The following PHYHD1 variants were observed in gnomAD, a reference collection of about 807,000 sequenced individuals.
PHYHD1 encodes phytanoyl-CoA dioxygenase domain-containing protein 1.
A neutral mutation model predicts 43.6 loss-of-function variants in PHYHD1; 42 were observed. The ratio of observed to expected loss-of-function variants is 0.96; its 90% CI spans 0.75 to 1.25. PHYHD1 has a LOEUF of 1.25. Ranked by LOEUF, PHYHD1 falls within the 50% of genes most tolerant of loss-of-function variation. The pLI is 0.00. For missense variants in PHYHD1, 342 were observed against 370.8 expected, an observed-to-expected ratio of 0.92 and a Z score of 0.64; for synonymous variants, 139 against 143.6, an observed-to-expected ratio of 0.97 and a Z score of 0.23.
At chr9:128,935,200 C>T (rs1318464539) in intron 6 of PHYHD1, among the ~76,000 whole-genome samples, 1 of 152,158 alleles carries the variant, frequency 6.6e-6, no homozygotes, top group Non-Finnish European at 1.5e-5. Context: ...AGTGATCCTC[C>T]TGCCTTGGCC....
intron 4 of PHYHD1, 72 bp downstream of exon 4, chr9:128,927,268 T>C: frequency 6.3e-7 from 1 of 1,582,206 alleles, no homozygotes; most frequent in Non-Finnish European, 8.6e-7. Context: ...CAGAGCAGCA[T>C]CGTGGAAGGG....
intron 4 of PHYHD1, among the ~76,000 whole-genome samples, chr9:128,931,547 C>T (rs1485352035): frequency 1.3e-5 from 2 of 151,186 alleles, no homozygotes; most frequent in South Asian, 2.1e-4. Context: ...TTTTTTGAGA[C>T]GGAGTCTCGC....
chr9:128,932,698 C>A (rs879582700), intron 4 of PHYHD1, among the ~76,000 whole-genome samples: 13 of 63,982 alleles, frequency 2.0e-4, no homozygotes, highest in Non-Finnish European at 3.5e-4. Context: ...GACGGGGTTT[C>A]ACTATGTTTG....
At chr9:128,932,183 T>TC (rs1564540453) in intron 4 of PHYHD1, among the ~76,000 whole-genome samples, 1 of 135,700 alleles carries the variant, frequency 7.4e-6, no homozygotes, top group African/African-American at 3.0e-5. Flanking sequence ...TTATTATTAT[T>TC]ATTTTTTTTT....
At chr9:128,926,899 C>A (rs1249805256) in intron 3 of PHYHD1, 139 bp from the exon 4 acceptor site, 3 of 1,164,694 alleles carry the variant, frequency 2.6e-6, no homozygotes, top group Non-Finnish European at 3.9e-6. Context: ...TGCTGGGTGC[C>A]AGACTCCATG....
rs533393185 is a variant in PHYHD1, at chr9:128,939,661, A to ATTTTTTTTT, written c.458-705_458-697dup. ...TCCCTGCTTCGCACCCAACTTCCCA[A>ATTTTTTTTT]TTTTTTTTTTTGAGAGGGAGTCTTG... On this transcript the variant is annotated intron_variant, in intron 9 of 12. Transcript: ENST00000372592. Among the ~76,000 whole-genome samples, 582 of 113,476 alleles carry ATTTTTTTTT rather than the reference A, an allele frequency of 5.1e-3. 55 individuals carry two copies. Among genetic ancestry groups the ATTTTTTTTT allele is most frequent in the African/African-American group, 0.015 (508 of 33,002 alleles). 74.4% of individuals were successfully genotyped at this position (113,476 alleles called of 152,430 possible). A position where few individuals can be genotyped will look rare whatever the true frequency, so the allele number is the denominator to read the frequency against.
At chr9:128,935,721 G>A (rs895750328) in intron 6 of PHYHD1, among the ~76,000 whole-genome samples, 1 of 152,084 alleles carries the variant, frequency 6.6e-6, no homozygotes, top group Admixed American at 6.6e-5. Context: ...GGCCAATATG[G>A]TGAAAAACCA....
At chr9:128,938,144 T>C (rs1588256200) in intron 9 of PHYHD1, among the ~76,000 whole-genome samples, 1 of 152,062 alleles carries the variant, frequency 6.6e-6, no homozygotes, top group Admixed American at 6.6e-5. Flanking sequence ...CCATCTCTAC[T>C]AAAAATACAA....
At position 128,927,084 on chromosome 9, in the gene PHYHD1, A is replaced by G. The variant is rs1841155562; in HGVS notation, c.80A>G (p.Glu27Gly). ...GTGCTGGAAGGATTCTTGTCTGCGGAAGAGTGTGTGGCCATGCAACAAAGG... is the reference window on the plus strand; with the variant it reads ...GTGCTGGAAGGATTCTTGTCTGCGGGAGAGTGTGTGGCCATGCAACAAAGG... ...FLVLEGFLSA[E>G]ECVAMQQRIG... Residue 27 changes from glutamate (E) to glycine (G), a missense_variant, in exon 4 of 13, where the codon GAA becomes GGA. Physicochemically the swap from Glu to Gly is moderately conservative, Grantham distance 98. Coordinates refer to ENST00000372592, the MANE Select transcript of PHYHD1 (RefSeq NM_001100876.2). 6 of 1,614,164 alleles carry G rather than the reference A, an allele frequency of 3.7e-6. No individual in the cohort carries two copies. The highest frequency in any genetic ancestry group is 5.1e-6 in the Non-Finnish European group (6 of 1,180,030).
At position 128,927,017 on chromosome 9, in the gene PHYHD1, G is replaced by A. The variant is rs779217571; in HGVS notation, c.34-21G>A. The A allele has an allele frequency of 3.7e-6, 6 of 1,613,990 alleles. No homozygotes were observed. In the African/African-American group the frequency reaches 4.0e-5, roughly 11 times the overall value. On this transcript the variant is annotated intron_variant, in intron 3 of 12. Coordinates refer to ENST00000372592, the MANE Select transcript of PHYHD1 (RefSeq NM_001100876.2). ...GAGCATTTGCAGACTGGGGAAGCCTGAGTCTCAAGCCTGCCTGCAGTTCCA... is the reference window on the plus strand; with the variant it reads ...GAGCATTTGCAGACTGGGGAAGCCTAAGTCTCAAGCCTGCCTGCAGTTCCA...
chr9:128,924,422 T>A (rs1261007355), intron 3 of PHYHD1, among the ~76,000 whole-genome samples: 1 of 151,364 alleles, frequency 6.6e-6, no homozygotes, highest in African/African-American at 2.4e-5. Context: ...TGTCTCAGAA[T>A]AAAGTAAAAT....
At chr9:128,932,912 A>G (rs577577183) in intron 4 of PHYHD1, among the ~76,000 whole-genome samples, 2 of 151,312 alleles carry the variant, frequency 1.3e-5, no homozygotes, top group South Asian at 4.2e-4. Flanking sequence ...CAGTGGCCCA[A>G]TCTTGGCTCA....
rs1841009565 is a variant in PHYHD1, at chr9:128,921,974, A to T, written c.-115A>T. 6.5e-6 allele frequency: 2 copies of T among 308,680 alleles called. No homozygotes were observed. Among genetic ancestry groups the T allele is most frequent in the South Asian group, 4.8e-5 (1 of 21,020 alleles). The allele number at this position is 308,680 out of a possible 1,614,324, so 19.1% of individuals were successfully genotyped here. Reference sequence around the variant, plus strand: ...CAGGCGTTCCTCAGAGTCACAGGGAATGGCGGCGCCTGGACTGGGACTCAG... The same window carrying T: ...CAGGCGTTCCTCAGAGTCACAGGGATTGGCGGCGCCTGGACTGGGACTCAG... On this transcript the variant is annotated 5_prime_UTR_variant, in exon 2 of 13. The change abolishes an upstream ATG in the 5' untranslated region. Transcript: ENST00000372592.
chr9:128,923,763 T>C (rs1841062721), intron 3 of PHYHD1, among the ~76,000 whole-genome samples: 1 of 152,164 alleles, frequency 6.6e-6, no homozygotes, highest in Admixed American at 6.5e-5. Context: ...GGTGGGAGGA[T>C]CGCTTGTGCA....
At position 128,941,536 on chromosome 9, in the gene PHYHD1, G is replaced by A; in HGVS notation, c.795G>A (p.Met265Ile). The change falls in exon 12 of 13, where the codon ATG (methionine) becomes ATA (isoleucine). Residue 265 changes from methionine to isoleucine, a missense_variant. Physicochemically the swap from Met to Ile is conservative, Grantham distance 10. Transcript: ENST00000372592. ...GCCAGGCCTACACTTTCCACCTCATGGAGGCCTCTGGCACCACCTGGAGCC... is the reference window on the plus strand; with the variant it reads ...GCCAGGCCTACACTTTCCACCTCATAGAGGCCTCTGGCACCACCTGGAGCC... ...RSRQAYTFHL[M>I]EASGTTWSPE... The A allele has an allele frequency of 6.2e-7, 1 of 1,614,126 alleles. No individual in the cohort carries two copies. Among genetic ancestry groups the A allele is most frequent in the Non-Finnish European group, 8.5e-7 (1 of 1,180,034 alleles).
chr9:128,937,909 G>GAGCC, intron 9 of PHYHD1, 131 bp downstream of exon 9: 1 of 1,548,808 alleles, frequency 6.5e-7, no homozygotes, highest in Non-Finnish European at 8.7e-7. Context: ...CGGAGAGGAG[G>GAGCC]AGCCACCTTC....
At chr9:128,937,974 G>C (rs1841467420) in intron 9 of PHYHD1, 196 bp downstream of exon 9, 3 of 1,464,526 alleles carry the variant, frequency 2.0e-6, no homozygotes, top group Non-Finnish European at 2.7e-6. Context: ...TTGGCATAGT[G>C]GGTCCTGAGC....
At position 128,940,632 on chromosome 9, in the gene PHYHD1, T is replaced by G; in HGVS notation, c.620T>G (p.Val207Gly). 6.2e-7 allele frequency: 1 copy of G among 1,614,180 alleles called. No homozygotes were observed. Among genetic ancestry groups the G allele is most frequent in the East Asian group, 2.2e-5 (1 of 44,870 alleles). ...TCAAGAAGGATGGTCCGGGCCCCTG[T>G]TGGCTCAGCGCCTGGTACCAGCTTC... ...GVSRRMVRAP[V>G]GSAPGTSFLG... Residue 207 changes from valine to glycine, a missense_variant, in exon 11 of 13, where the codon GTT becomes GGT. Val to Gly is a moderately radical substitution (Grantham distance 109, BLOSUM62 -3). Transcript: ENST00000372592.
intron 6 of PHYHD1, among the ~76,000 whole-genome samples, chr9:128,935,996 G>T (rs1841415073): frequency 6.6e-6 from 1 of 152,162 alleles, no homozygotes; most frequent in Non-Finnish European, 1.5e-5. Flanking sequence ...ACTATCCCAT[G>T]CCAGGCCCTG....
Sources: gnomAD v4.1 joint callset for allele counts (sites outside exome capture counted in the v4.1 genomes callset) on GRCh38, gnomAD v4.1.1 for gene constraint, MANE v1.5 for transcripts, NCBI Gene and HGNC (gene_info 2026-07-23, HGNC 2026-07-21) for gene names.